Variants in C5 observed in about 807,000 individuals in gnomAD.
The protein encoded by C5 is C3 and PZP-like alpha-2-macroglobulin domain-containing protein 4.
C5 carries 140 observed loss-of-function variants against 218.8 expected under a neutral mutation model. The ratio of observed to expected loss-of-function variants is 0.64; its 90% CI spans 0.56 to 0.74. The LOEUF is 0.74. Among genes scored for constraint, C5 ranks in the 30% least tolerant of loss-of-function variants. The pLI, the probability that C5 is intolerant of heterozygous loss-of-function variation, is 0.00. For synonymous variants in C5, 614 were observed against 682.3 expected (o/e 0.90, Z 1.56); for missense variants, 1,700 against 1,969.6 (o/e 0.86, Z 2.59).
At position 121,037,999 on chromosome 9, in the gene C5, A is replaced by T. The variant is rs1255146312; in HGVS notation, c.422-48T>A. The stretch of plus-strand genomic sequence containing the variant: ...CAAAAACTCTGCTAAAAACAAGGAT[A>T]TTTTGATTTTTTAAAACAACCATCC... On this transcript the variant is annotated intron_variant, in intron 3 of 40. Transcript: ENST00000223642. The T allele has an allele frequency of 6.8e-6, 6 of 884,512 alleles. No individual in the cohort carries two copies. In the African/African-American group the frequency reaches 1.0e-4, roughly 15 times the overall value. The allele number at this position is 884,512 out of a possible 1,614,324, so 54.8% of individuals were successfully genotyped here.
upstream of C5, among the ~76,000 whole-genome samples, chr9:121,054,189 C>T (rs567544716): frequency 6.6e-6 from 1 of 152,160 alleles, no homozygotes; most frequent in East Asian, 1.9e-4. Context: ...TATCATAAGA[C>T]GGACAAAACA....
chr9:120,991,215 T>C lies in C5; in HGVS notation c.2917A>G (p.Ile973Val). ...IPLDLVPKTE[I>V]KRILSVKGLL... ...CCTTTTACACTCAAAATCCTTTTGA[T>C]TTCTGTTTTGGGGACCAAATCTAAG... Residue 973 changes from isoleucine to valine, a missense_variant, in exon 23 of 41, where the codon ATC becomes GTC. By Grantham distance (29) the Ile-to-Val change is conservative (BLOSUM62 3). Transcript: ENST00000223642. 6.2e-7 allele frequency: 1 copy of C among 1,606,364 alleles called. No homozygotes were observed. The highest frequency in any genetic ancestry group is 8.5e-7 in the Non-Finnish European group (1 of 1,172,884).
chr9:120,963,431 C>T lies in C5; in HGVS notation c.4323+205G>A, dbSNP rs182876675. On this transcript the variant is annotated intron_variant, in intron 34 of 40. Coordinates refer to ENST00000223642, the MANE Select transcript of C5 (RefSeq NM_001735.3). ...CTGAGGCAGGAGAATCACTTGAACC[C>T]GAGAGGTGCGGTTGCAATGAGCCAA... Among the ~76,000 whole-genome samples, 136 of 151,500 alleles carry T rather than the reference C, an allele frequency of 9.0e-4. 1 individual carries two copies. The highest frequency in any genetic ancestry group is 3.4e-3 in the Middle Eastern group (1 of 290).
intron 38 of C5, among the ~76,000 whole-genome samples, chr9:120,959,232 ATTTC>A (rs36185563): frequency 0.43 from 62,239 of 144,454 alleles, 15,528 homozygotes; most frequent in South Asian, 0.66. Flanking sequence ...CACCCTTCAA[ATTTC>A]TTTCTTTCTT....
rs1407893555 is a variant in C5, at chr9:121,033,046, G to A, written c.585-851C>T. On this transcript the variant is annotated intron_variant, in intron 5 of 40. Transcript: ENST00000223642. ...TGTGTGTGTGTGTGTGTGTATGTAT[G>A]TATATATGTGTGTATACACACATAT... Among the ~76,000 whole-genome samples the A allele has an allele frequency of 7.0e-4, 105 of 150,096 alleles. 1 individual carries two copies. Among genetic ancestry groups the A allele is most frequent in the Admixed American group, 1.4e-3 (21 of 15,022 alleles).
chr9:121,000,137 T>G (rs536742751), intron 20 of C5: 1 of 203,304 alleles, frequency 4.9e-6, no homozygotes, highest in East Asian at 1.7e-4. Context: ...CAGGCTAGAT[T>G]TGGCCCATGG....
chr9:120,969,480 C>A (rs942877148), intron 32 of C5, among the ~76,000 whole-genome samples: 6 of 152,078 alleles, frequency 3.9e-5, no homozygotes, highest in South Asian at 2.1e-4. Context: ...GGCTTCTGAG[C>A]AATAGATGGA....
intron 28 of C5, 135 bp downstream of exon 28, chr9:120,979,948 G>T: frequency 1.3e-6 from 1 of 741,872 alleles, no homozygotes; most frequent in Non-Finnish European, 2.4e-6. Flanking sequence ...ACATTACATC[G>T]TATTGTGACG....
chr9:120,981,979 GTCTT>G, intron 26 of C5, 40 bp from the exon 27 acceptor site: 1 of 1,360,600 alleles, frequency 7.3e-7, no homozygotes, highest in Non-Finnish European at 1.1e-6. Context: ...GTGAAATGGT[GTCTT>G]TAAGGCGAAA....
intron 3 of C5, among the ~76,000 whole-genome samples, chr9:121,038,275 T>C (rs970329056): frequency 2.6e-5 from 4 of 152,216 alleles, no homozygotes; most frequent in African/African-American, 9.6e-5. Flanking sequence ...AATTAGGCCA[T>C]TATTTATTAA....
the C5 span, among the ~76,000 whole-genome samples, chr9:121,056,559 G>A: frequency 6.6e-6 from 1 of 152,190 alleles, no homozygotes; most frequent in South Asian, 2.1e-4. Context: ...AAAAATCTTG[G>A]AGATAGAAAA....
chr9:121,055,936 CTT>C, the C5 span, among the ~76,000 whole-genome samples: 184 of 152,318 alleles, frequency 1.2e-3, 2 homozygotes, highest in South Asian at 4.6e-3. Flanking sequence ...GAGAAAGAGA[CTT>C]TGCCTGGTAA....
chr9:121,043,063 T>A lies in C5; in HGVS notation c.362A>T (p.Tyr121Phe), dbSNP rs775968008. 1 of 1,612,900 alleles carries A rather than the reference T, an allele frequency of 6.2e-7. No homozygotes were observed. The highest frequency in any genetic ancestry group is 8.5e-7 in the Non-Finnish European group (1 of 1,179,062). Residue 121 changes from tyrosine to phenylalanine, a missense_variant, in exon 3 of 41, where the codon TAT becomes TTT. Physicochemically the swap from Tyr to Phe is conservative, Grantham distance 22 (BLOSUM62 3). Coordinates refer to ENST00000223642, the MANE Select transcript of C5 (RefSeq NM_001735.3). ...FSKSKRMPIT[Y>F]DNGFLFIHTD... Reference sequence around the variant, plus strand: ...ATGAATGAAGAGAAATCCATTGTCATAGGTTATTGGCATTCTTTTTGATTT... The same window carrying A: ...ATGAATGAAGAGAAATCCATTGTCAAAGGTTATTGGCATTCTTTTTGATTT...
At chr9:120,976,064 CAGTA>C (rs1223956732) in intron 29 of C5, among the ~76,000 whole-genome samples, 1 of 152,134 alleles carries the variant, frequency 6.6e-6, no homozygotes, top group Admixed American at 6.6e-5. Flanking sequence ...ATTACATGGT[CAGTA>C]AATTAATACT....
chr9:121,042,223 G>T (rs1214862767), intron 3 of C5, among the ~76,000 whole-genome samples: 2 of 152,180 alleles, frequency 1.3e-5, no homozygotes, highest in East Asian at 3.8e-4. Context: ...GCAAACACAT[G>T]AATATATTGG....
chr9:121,059,230 TAAGG>T, the C5 span, among the ~76,000 whole-genome samples: 1,678 of 152,260 alleles, frequency 0.011, 24 homozygotes, highest in African/African-American at 0.038. This position sits in a 1 kb window ranked among gnomAD's most constrained non-coding sequence, Gnocchi z 4.1. Context: ...GGATTTCAGA[TAAGG>T]AAGTAGGGAG....
chr9:121,033,067 CAT>C (rs1220163422), intron 5 of C5, among the ~76,000 whole-genome samples: 1 of 146,264 alleles, frequency 6.8e-6, no homozygotes, highest in Non-Finnish European at 1.5e-5. Flanking sequence ...TGTATACACA[CAT>C]ATATATACAC....
chr9:120,987,232 A>T (rs1564140865), intron 25 of C5, among the ~76,000 whole-genome samples: 1 of 152,124 alleles, frequency 6.6e-6, no homozygotes, highest in Non-Finnish European at 1.5e-5. Flanking sequence ...TGAGACATTG[A>T]TTAGGGGGCC....
At chr9:120,968,615 T>C (rs2046886742) in intron 33 of C5, among the ~76,000 whole-genome samples, 1 of 152,214 alleles carries the variant, frequency 6.6e-6, no homozygotes, top group Non-Finnish European at 1.5e-5. Flanking sequence ...TAGAATGACC[T>C]CTGGAGCCCG....
Sources: gnomAD v4.1 joint callset for allele counts (sites outside exome capture counted in the v4.1 genomes callset) on GRCh38, gnomAD v4.1.1 for gene constraint, Gnocchi (gnomAD v3.1) non-coding constraint, MANE v1.5 for transcripts, NCBI Gene and HGNC (gene_info 2026-07-23, HGNC 2026-07-21) for gene names.